Variants in SH3TC2 observed in about 807,000 individuals in gnomAD.
SH3TC2 encodes SH3 domain and tetratricopeptide repeat-containing protein 2.
In SH3TC2, 87 loss-of-function variants were observed where a neutral mutation model predicts 124.5. The observed-to-expected ratio is 0.70, with a 90% CI of 0.59 to 0.84. The LOEUF is 0.84. Ranked by LOEUF, SH3TC2 falls within the 40% of genes least tolerant of loss-of-function variation. SH3TC2 has a pLI of 0.00. For synonymous variants in SH3TC2, 634 were observed against 628.5 expected (o/e 1.01, Z -0.13); for missense variants, 1,536 against 1,566.4 (o/e 0.98, Z 0.33).
At position 148,987,809 on chromosome 5, in the gene SH3TC2, CTGTGTGTGTGTGTGTGTGTGTGTGTGTG is replaced by C. The variant is rs71957589; in HGVS notation, c.*16874_*16901del. On this transcript the variant is annotated 3_prime_UTR_variant, in exon 17 of 17. Coordinates refer to ENST00000515425, the MANE Select transcript of SH3TC2 (RefSeq NM_024577.4). ...CCTCACTCGAGGCCTCATTCAAAAT[CTGTGTGTGTGTGTGTGTGTGTGTGTGTG>C]TGTGTGTGTGTGTGTGTGTTCTTTA... 4.9e-4 allele frequency among the ~76,000 whole-genome samples: 67 copies of C among 135,416 alleles called. No individual in the cohort carries two copies. The highest frequency in any genetic ancestry group is 1.8e-3 in the African/African-American group (64 of 36,200). The allele number at this position is 135,416 out of a possible 152,430, so 88.8% of individuals were successfully genotyped here.
intron 9 of SH3TC2, among the ~76,000 whole-genome samples, chr5:149,030,041 A>C (rs1276438209): frequency 2.0e-5 from 3 of 152,148 alleles, no homozygotes; most frequent in African/African-American, 4.8e-5. Context: ...TGTAACCCCC[A>C]GAGGGTAGAA....
At chr5:149,059,734 T>A (rs75917076) in intron 1 of SH3TC2, among the ~76,000 whole-genome samples, 283 of 152,224 alleles carry the variant, frequency 1.9e-3, no homozygotes, top group African/African-American at 6.4e-3. Context: ...TGTGAGTTCA[T>A]GAATATGTAG....
chr5:149,030,824 A>T (rs780068593), intron 9 of SH3TC2, among the ~76,000 whole-genome samples: 5 of 152,238 alleles, frequency 3.3e-5, no homozygotes, highest in Non-Finnish European at 7.3e-5. Context: ...GAGATGGGAG[A>T]AACAAAAATT....
chr5:149,034,517 A>G (rs577789754), intron 8 of SH3TC2: 24 of 411,058 alleles, frequency 5.8e-5, no homozygotes, highest in African/African-American at 4.8e-4. Flanking sequence ...AAACACACCA[A>G]GTCCTGAGCA....
intron 14 of SH3TC2, 55 bp from the exon 15 acceptor site, chr5:149,009,056 C>T: frequency 1.2e-6 from 2 of 1,610,170 alleles, no homozygotes; most frequent in Non-Finnish European, 1.7e-6. Flanking sequence ...CAGTGCATAC[C>T]ATAGCTAGGA....
At chr5:149,047,526 C>T (rs946597798) in intron 3 of SH3TC2, 12 of 305,068 alleles carry the variant, frequency 3.9e-5, no homozygotes, top group East Asian at 1.6e-4. Flanking sequence ...TTGAAATTAC[C>T]GCATTAGAAA....
intron 12 of SH3TC2, among the ~76,000 whole-genome samples, chr5:149,021,884 CTTTTTTTTTTTTTTTTTTTTTTTTTTTTT>C (rs869151294): frequency 9.1e-5 from 3 of 32,860 alleles, no homozygotes; most frequent in African/African-American, 1.4e-4. Context: ...CAAACTCTTT[CTTTTTTTTTTTTTTTTTTTTTTTTTTTTT>C]TTTTTTTTTT....
Position 149,028,449 on chromosome 5 carries a change from T to C in SH3TC2, c.1283A>G (p.Glu428Gly). ...TGAGGTGGCCGAGAGGAGCTCCTCC[T>C]CCAGGCTGGAGTCCTCAGAGCTGCT... The part of the protein sequence containing the change: ...QSSSSEDSSL[E>G]EELLSATSDS... The change falls in exon 11 of 17, where the codon GAG (glutamate) becomes GGG (glycine). Residue 428 changes from glutamate (E) to glycine (G), a missense_variant. Physicochemically the swap from Glu to Gly is moderately conservative, Grantham distance 98. Around this residue, in one of 3 missense-constraint regions of SH3TC2, gnomAD observed 1,102 missense variants for 1,098.6 expected, o/e 1.00. Transcript: ENST00000515425. The C allele has an allele frequency of 6.2e-7, 1 of 1,613,044 alleles. No individual in the cohort carries two copies. The highest frequency in any genetic ancestry group is 8.5e-7 in the Non-Finnish European group (1 of 1,179,450).
At chr5:149,038,538 AG>A (rs1437004731) in intron 7 of SH3TC2, 48 bp from the exon 8 acceptor site, 4 of 1,586,576 alleles carry the variant, frequency 2.5e-6, no homozygotes, top group Non-Finnish European at 2.6e-6. Context: ...TGAACAGCTG[AG>A]CCTCCCATCA....
At chr5:149,017,980 A>T (rs2127394605) in intron 12 of SH3TC2, among the ~76,000 whole-genome samples, 1 of 152,358 alleles carries the variant, frequency 6.6e-6, no homozygotes, top group South Asian at 2.1e-4. Flanking sequence ...AGAGTGGAGT[A>T]CTTGTGGCAG....
chr5:148,987,396 A>G lies in SH3TC2; in HGVS notation c.*17315T>C, dbSNP rs1442293457. On this transcript the variant is annotated 3_prime_UTR_variant, in exon 17 of 17. Coordinates refer to ENST00000515425, the MANE Select transcript of SH3TC2 (RefSeq NM_024577.4). ...CCAGGCACATAGAAGGAATCTAACAACTATTTATTGAGTATGTAAGTAAAC... is the reference window on the plus strand; with the variant it reads ...CCAGGCACATAGAAGGAATCTAACAGCTATTTATTGAGTATGTAAGTAAAC... Among the ~76,000 whole-genome samples the G allele has an allele frequency of 6.6e-6, 1 of 152,226 alleles. No homozygotes were observed. Among genetic ancestry groups the G allele is most frequent in the East Asian group, 1.9e-4 (1 of 5,198 alleles).
intron 4 of SH3TC2, 73 bp downstream of exon 4, chr5:149,044,460 C>T (rs1015170883): frequency 1.7e-4 from 196 of 1,161,976 alleles, no homozygotes; most frequent in Non-Finnish European, 2.2e-4. Context: ...AGGCCAATTC[C>T]TTCATGTCAA....
chr5:149,045,953 TTA>T, intron 3 of SH3TC2: 1 of 426,556 alleles, frequency 2.3e-6, no homozygotes, highest in Non-Finnish European at 4.7e-6. Context: ...CCTGGTTTTT[TTA>T]TAATACCTAA....
Position 149,008,912 on chromosome 5 carries a change from G to T in SH3TC2, c.3417C>A (p.Leu1139=). 1 of 1,614,166 alleles carries T rather than the reference G, an allele frequency of 6.2e-7. No individual in the cohort carries two copies. The highest frequency in any genetic ancestry group is 8.5e-7 in the Non-Finnish European group (1 of 1,180,040). The part of the protein sequence containing the change: ...FNKLTELQIS[L]EGYEKALEFA... ...ATTCCAAAGCCTTCTCATAGCCTTC[G>T]AGGCTAATCTGCAGCTCTGTCAGCT... The change falls in exon 15 of 17, where the codon CTC becomes CTA. Residue 1139 remains leucine (L), a synonymous_variant. Transcript: ENST00000515425.
intron 12 of SH3TC2, 62 bp downstream of exon 12, chr5:149,026,510 G>A (rs1162042302): frequency 1.3e-6 from 2 of 1,597,698 alleles, no homozygotes; most frequent in East Asian, 2.2e-5. Context: ...CTGTGGGAAA[G>A]AACACTGTTT....
chr5:149,061,017 C>T (rs1015099921), intron 1 of SH3TC2, among the ~76,000 whole-genome samples: 2 of 152,234 alleles, frequency 1.3e-5, no homozygotes, highest in South Asian at 2.1e-4. Flanking sequence ...ACCTACAACA[C>T]CAATATCAAC....
At chr5:149,041,730 T>A in intron 5 of SH3TC2, 113 bp from the exon 6 acceptor site, 7 of 1,157,188 alleles carry the variant, frequency 6.0e-6, no homozygotes, top group Non-Finnish European at 7.6e-6. Flanking sequence ...TTCCTGGAAG[T>A]AAAGTAGACG....
intron 13 of SH3TC2, among the ~76,000 whole-genome samples, chr5:149,012,355 C>T (rs182752316): frequency 3.5e-4 from 53 of 152,274 alleles, no homozygotes; most frequent in South Asian, 1.0e-3. Flanking sequence ...CCAGGGTGCA[C>T]ACATGTGTAT....
chr5:149,045,489 T>A (rs1754443155), intron 3 of SH3TC2: 1 of 150,760 alleles, frequency 6.6e-6, no homozygotes, highest in Non-Finnish European at 1.5e-5. Context: ...TTAACACATG[T>A]ATTTCTAAGA....
Sources: allele counts gnomAD v4.1 joint callset (sites outside exome capture counted in the v4.1 genomes callset), GRCh38; gene constraint gnomAD v4.1.1; regional missense constraint gnomAD v4.1.1; transcripts MANE v1.5; gene names NCBI Gene and HGNC (gene_info 2026-07-23, HGNC 2026-07-21).